The following SAMD4A variants were observed in gnomAD, a reference collection of about 807,000 sequenced individuals.
SAMD4A encodes protein Smaug homolog 1.
In SAMD4A, 33 loss-of-function variants were observed where a neutral mutation model predicts 81.3. The observed-to-expected ratio is 0.41, with a 90% confidence interval of 0.31 to 0.54. SAMD4A has a LOEUF of 0.54. SAMD4A is among the 20% of genes least tolerant of loss of function. SAMD4A has a pLI of 0.37. For missense variants in SAMD4A, 854 were observed against 951.1 expected, an observed-to-expected ratio of 0.90 and a Z score of 1.34; for synonymous variants, 389 against 382.1, an observed-to-expected ratio of 1.02 and a Z score of -0.21.
intron 2 of SAMD4A, among the ~76,000 whole-genome samples, chr14:54,600,919 G>T (rs7155636): frequency 1.3e-5 from 2 of 152,124 alleles, no homozygotes; most frequent in South Asian, 4.1e-4. Flanking sequence ...GACTACATCA[G>T]CTCAGCTATG....
At chr14:54,773,878 A>T (rs1224156013) in intron 9 of SAMD4A, among the ~76,000 whole-genome samples, 1 of 152,250 alleles carries the variant, frequency 6.6e-6, no homozygotes. Context: ...CAGGCACCGG[A>T]CATGCAGGAT....
At chr14:54,727,712 T>A (rs2037460323) in intron 3 of SAMD4A, among the ~76,000 whole-genome samples, 1 of 152,160 alleles carries the variant, frequency 6.6e-6, no homozygotes, top group Non-Finnish European at 1.5e-5. Context: ...AGGCCACGAG[T>A]ATTGACTCAG....
At chr14:54,769,134 T>A (rs528655326) in intron 8 of SAMD4A, among the ~76,000 whole-genome samples, 37 of 152,304 alleles carry the variant, frequency 2.4e-4, no homozygotes, top group African/African-American at 8.7e-4. Flanking sequence ...TGGCAGGGGA[T>A]TCATATGTGA....
At chr14:54,568,291 A>G (rs1383114467) in intron 2 of SAMD4A, among the ~76,000 whole-genome samples, 179 bp downstream of exon 2, 1 of 121,630 alleles carries the variant, frequency 8.2e-6, no homozygotes, top group Non-Finnish European at 1.8e-5. Flanking sequence ...ACCGCCCCCC[A>G]CCTACTTACC....
intron 2 of SAMD4A, among the ~76,000 whole-genome samples, chr14:54,581,414 G>C (rs2033461882): frequency 6.6e-6 from 1 of 152,258 alleles, no homozygotes; most frequent in African/African-American, 2.4e-5. Context: ...CTCTGGGCCT[G>C]AACTAAGGCT....
At chr14:54,650,753 T>A (rs978450231) in intron 2 of SAMD4A, among the ~76,000 whole-genome samples, 2 of 152,178 alleles carry the variant, frequency 1.3e-5, no homozygotes, top group African/African-American at 2.4e-5. Flanking sequence ...GTCAAGAGCT[T>A]ATTCTGTCAT....
chr14:54,675,028 C>G (rs2035960380), intron 2 of SAMD4A, among the ~76,000 whole-genome samples: 1 of 152,136 alleles, frequency 6.6e-6, no homozygotes, highest in Non-Finnish European at 1.5e-5. Context: ...GCTGGGATTA[C>G]AGGTGTGAGC....
At chr14:54,583,903 T>A (rs1023387854) in intron 2 of SAMD4A, among the ~76,000 whole-genome samples, 1 of 152,240 alleles carries the variant, frequency 6.6e-6, no homozygotes, top group Non-Finnish European at 1.5e-5. Flanking sequence ...TCAAATGTAA[T>A]GCTTTTAAGA....
chr14:54,630,077 A>T (rs975561614), intron 2 of SAMD4A, among the ~76,000 whole-genome samples: 1 of 152,210 alleles, frequency 6.6e-6, no homozygotes, highest in Non-Finnish European at 1.5e-5. Context: ...CCACTCATCT[A>T]TCAGTGGACA....
At chr14:54,705,311 G>C (rs2036825235) in intron 3 of SAMD4A, among the ~76,000 whole-genome samples, 1 of 152,142 alleles carries the variant, frequency 6.6e-6, no homozygotes, top group South Asian at 2.1e-4. Context: ...CCTGAGCCCA[G>C]AGCCATGCGC....
At chr14:54,645,256 G>A (rs1181893853) in intron 2 of SAMD4A, among the ~76,000 whole-genome samples, 3 of 152,126 alleles carry the variant, frequency 2.0e-5, no homozygotes, top group Non-Finnish European at 4.4e-5. Context: ...TGCTTGAGCC[G>A]AGGAGTTTGA....
chr14:54,625,384 C>T (rs1417219703), intron 2 of SAMD4A, among the ~76,000 whole-genome samples: 1 of 152,184 alleles, frequency 6.6e-6, no homozygotes, highest in Non-Finnish European at 1.5e-5. Context: ...TTCCCTGCAC[C>T]AGGGTGTGAG....
chr14:54,727,166 C>CTTT (rs567831973), intron 3 of SAMD4A, among the ~76,000 whole-genome samples: 1,213 of 59,202 alleles, frequency 0.02, 221 homozygotes, highest in Non-Finnish European at 0.031. Flanking sequence ...TCTTTTTTTC[C>CTTT]TTTTTTTTTT....
At chr14:54,786,889 T>G (rs1485815757) in intron 12 of SAMD4A, among the ~76,000 whole-genome samples, 1 of 152,232 alleles carries the variant, frequency 6.6e-6, no homozygotes, top group Non-Finnish European at 1.5e-5. Context: ...TCTCCTAAGC[T>G]TTTTTAGTGC....
chr14:54,641,207 G>C (rs1166588832), intron 2 of SAMD4A, among the ~76,000 whole-genome samples: 1 of 152,124 alleles, frequency 6.6e-6, no homozygotes, highest in Non-Finnish European at 1.5e-5. Context: ...GCTATTGTCA[G>C]GTAAAACAAG....
At chr14:54,784,202 G>A (rs2039075324) in intron 11 of SAMD4A, 1 of 671,126 alleles carries the variant, frequency 1.5e-6, no homozygotes. Context: ...AGATAACAAG[G>A]GCCTGGATCA....
chr14:54,615,533 C>T (rs1366230541), intron 2 of SAMD4A, among the ~76,000 whole-genome samples: 1 of 152,198 alleles, frequency 6.6e-6, no homozygotes, highest in Non-Finnish European at 1.5e-5. Flanking sequence ...GTTTCAGGAA[C>T]ATCCTGGGCT....
chr14:54,668,099 CTCTA>C (rs1240120077), intron 2 of SAMD4A, among the ~76,000 whole-genome samples: 3 of 152,252 alleles, frequency 2.0e-5, no homozygotes, highest in Admixed American at 2.0e-4. Flanking sequence ...CACACCAGCC[CTCTA>C]CAAGTTGACC....
At chr14:54,748,412 C>T (rs1035093128) in intron 4 of SAMD4A, among the ~76,000 whole-genome samples, 2 of 152,328 alleles carry the variant, frequency 1.3e-5, no homozygotes, top group African/African-American at 2.4e-5. Flanking sequence ...CTCGATGAAG[C>T]GGTCCAGCTA....
Sources: gnomAD v4.1 joint callset for allele counts (sites outside exome capture counted in the v4.1 genomes callset) on GRCh38, gnomAD v4.1.1 for gene constraint, MANE v1.5 for transcripts, NCBI Gene and HGNC (gene_info 2026-07-23, HGNC 2026-07-21) for gene names.